Variants in ADAMTS14 observed in about 807,000 individuals in gnomAD.
ADAMTS14 encodes the protein ADAM metallopeptidase with thrombospondin type 1 motif 14.
In ADAMTS14, 100 loss-of-function variants were observed where a neutral mutation model predicts 128.6. That is an observed-to-expected ratio of 0.78 (90% CI 0.66 to 0.92). ADAMTS14 has a LOEUF of 0.92. ADAMTS14 is among the 40% of genes least tolerant of loss of function. ADAMTS14 has a pLI of 0.00. For missense variants in ADAMTS14, 1,562 were observed against 1,658.6 expected, an observed-to-expected ratio of 0.94 and a Z score of 1.01; for synonymous variants, 665 against 653.8, an observed-to-expected ratio of 1.02 and a Z score of -0.26.
rs770528570 is a variant in ADAMTS14 at position 70,736,712 on chromosome 10, G to A, written c.1518G>A (p.Trp506Ter). Residue 506 changes from tryptophan (W) to a stop codon, truncating the protein, a stop_gained, in exon 10 of 22, where the codon TGG becomes TGA. Coordinates refer to ENST00000373207, the MANE Select transcript of ADAMTS14 (RefSeq NM_080722.4). LOFTEE classifies it high-confidence loss of function. ...FRTFEPCKQL[W>*]CSHPDNPYFC... ...CCTTTGAGCCCTGCAAGCAGCTGTG[G>A]TGCAGCCATCCTGACAACCCGTACT... 1.2e-6 allele frequency: 2 copies of A among 1,613,928 alleles called. No individual in the cohort carries two copies. Among genetic ancestry groups the A allele is most frequent in the South Asian group, 2.2e-5 (2 of 91,072 alleles).
chr10:70,730,010 G>A, intron 5 of ADAMTS14, 92 bp from the exon 6 acceptor site: 1 of 1,447,216 alleles, frequency 6.9e-7, no homozygotes, highest in Admixed American at 2.1e-5. Flanking sequence ...CTGGGCCTTA[G>A]CGTTCCCATC....
In ADAMTS14 at chr10:70,743,616, G is replaced by A. The variant is rs745561902; in HGVS notation, c.1993G>A (p.Val665Ile). The A allele has an allele frequency of 6.2e-7, 1 of 1,612,506 alleles. No individual in the cohort carries two copies. The highest frequency in any genetic ancestry group is 1.3e-5 in the African/African-American group (1 of 74,836). Residue 665 changes from valine (V) to isoleucine (I), a missense_variant, in exon 13 of 22, where the codon GTT (valine) becomes ATT (isoleucine). Coordinates refer to ENST00000373207, the MANE Select transcript of ADAMTS14 (RefSeq NM_080722.4). ...TGDVVFMNQV[V>I]HDGTRCSYRD... ...GGACGTGGTGTTCATGAACCAGGTG[G>A]TTCACGATGGGACACGCTGCAGCTA...
At chr10:70,745,993 A>C (rs1030414993) in intron 15 of ADAMTS14, among the ~76,000 whole-genome samples, 1 of 152,318 alleles carries the variant, frequency 6.6e-6, no homozygotes, top group South Asian at 2.1e-4. Context: ...CTAGCGTCCC[A>C]TTAGTCCAAA....
chr10:70,678,509 G>A (rs1179839899), intron 2 of ADAMTS14, among the ~76,000 whole-genome samples: 1 of 151,674 alleles, frequency 6.6e-6, no homozygotes, highest in Non-Finnish European at 1.5e-5. Context: ...TGGGCAGGGG[G>A]AAGAGCTTGA....
chr10:70,687,912 G>A (rs866534477), intron 2 of ADAMTS14, among the ~76,000 whole-genome samples: 791 of 70,218 alleles, frequency 0.011, no homozygotes, highest in Middle Eastern at 0.026. Flanking sequence ...CGGGCGGGGG[G>A]GCTGACCCCC....
chr10:70,760,845 G>T lies in ADAMTS14; in HGVS notation c.3664G>T (p.Val1222Leu), dbSNP rs1842597379. 6.4e-7 allele frequency: 1 copy of T among 1,572,110 alleles called. No homozygotes were observed. Among genetic ancestry groups the T allele is most frequent in the South Asian group, 1.2e-5 (1 of 83,488 alleles). ...CACCAGCCTCCCTGCTGCCTCCCCGGTGACATGAGCTGTGCCCTGCCATCC... is the reference window on the plus strand; with the variant it reads ...CACCAGCCTCCCTGCTGCCTCCCCGTTGACATGAGCTGTGCCCTGCCATCC... The part of the protein sequence containing the change: ...PGTSLPAASP[V>L]T The change falls in exon 22 of 22, where the codon GTG becomes TTG. Residue 1222 changes from valine (V) to leucine (L), a missense_variant. By Grantham distance (32) the Val-to-Leu change is conservative. Coordinates refer to ENST00000373207, the MANE Select transcript of ADAMTS14 (RefSeq NM_080722.4).
chr10:70,749,158 C>T (rs897078685), intron 15 of ADAMTS14, among the ~76,000 whole-genome samples: 1 of 152,192 alleles, frequency 6.6e-6, no homozygotes, highest in Non-Finnish European at 1.5e-5. Context: ...TGCCAAAAGT[C>T]CAGTACTTTT....
chr10:70,729,676 G>T (rs1452114249), intron 5 of ADAMTS14, among the ~76,000 whole-genome samples: 1 of 152,126 alleles, frequency 6.6e-6, no homozygotes, highest in African/African-American at 2.4e-5. Context: ...GTCATGTTAT[G>T]GTTGAGCCCT....
chr10:70,747,526 G>T (rs1052817178), intron 15 of ADAMTS14, among the ~76,000 whole-genome samples: 1 of 152,206 alleles, frequency 6.6e-6, no homozygotes, highest in East Asian at 1.9e-4. Context: ...CCAAGAAGAG[G>T]TGGAGCTCAC....
chr10:70,758,277 T>C lies in ADAMTS14; in HGVS notation c.3170T>C (p.Ile1057Thr). ...QSEPLHPINK[I>T]SSTEPCTGDR... ...GAACCCCTACATCCCATTAACAAGA[T>C]ATCATCAAGTAAGTACAGTCTATGG... is the stretch of plus-strand genomic sequence containing the variant. Residue 1057 changes from isoleucine (I) to threonine (T), a missense_variant, in exon 21 of 22, where the codon ATA becomes ACA. Physicochemically the swap from Ile to Thr is moderately conservative, Grantham distance 89. Coordinates refer to ENST00000373207, the MANE Select transcript of ADAMTS14 (RefSeq NM_080722.4). The C allele has an allele frequency of 6.2e-7, 1 of 1,613,942 alleles. No individual in the cohort carries two copies. Among genetic ancestry groups the C allele is most frequent in the Non-Finnish European group, 8.5e-7 (1 of 1,179,876 alleles).
At chr10:70,694,870 C>T (rs1840288503) in intron 2 of ADAMTS14, among the ~76,000 whole-genome samples, 1 of 152,132 alleles carries the variant, frequency 6.6e-6, no homozygotes, top group Admixed American at 6.5e-5. Flanking sequence ...CATATGTTTT[C>T]TTTCTCTTGG....
intron 4 of ADAMTS14, among the ~76,000 whole-genome samples, chr10:70,725,338 T>C (rs1841395293): frequency 6.6e-6 from 1 of 152,170 alleles, no homozygotes; most frequent in African/African-American, 2.4e-5. Context: ...CACTATTCAG[T>C]GCATGTGAGT....
At position 70,760,833 on chromosome 10, in the gene ADAMTS14, G is replaced by A. The variant is rs1324297830; in HGVS notation, c.3652G>A (p.Ala1218Thr). Residue 1218 changes from alanine to threonine, a missense_variant, in exon 22 of 22, where the codon GCT (alanine) becomes ACT (threonine). Coordinates refer to ENST00000373207, the MANE Select transcript of ADAMTS14 (RefSeq NM_080722.4). The part of the protein sequence containing the change: ...DLRHPGTSLP[A>T]ASPVT ...GAGACATCCCGGCACCAGCCTCCCT[G>A]CTGCCTCCCCGGTGACATGAGCTGT... is the stretch of plus-strand genomic sequence containing the variant. 6.3e-7 allele frequency: 1 copy of A among 1,580,244 alleles called. No homozygotes were observed. The highest frequency in any genetic ancestry group is 1.2e-5 in the South Asian group (1 of 85,546).
At chr10:70,723,605 A>T (rs975108470) in intron 4 of ADAMTS14, among the ~76,000 whole-genome samples, 14 of 152,304 alleles carry the variant, frequency 9.2e-5, no homozygotes, top group African/African-American at 3.1e-4. Context: ...CAATGCAAGG[A>T]GGCGCTTGTG....
rs1223733187 is a variant in ADAMTS14 at position 70,760,641 on chromosome 10, G to A, written c.3460G>A (p.Ala1154Thr). Residue 1154 changes from alanine (A) to threonine (T), a missense_variant, in exon 22 of 22, where the codon GCT (alanine) becomes ACT (threonine). Transcript: ENST00000373207. ...TGGCCGAGCCACACAGCTCCCAGGA[G>A]CTCTGGATACAAGCTCCCCAGGGAC... ...QHGRATQLPGALDTSSPGTQH... is the reference protein window; with the variant it reads ...QHGRATQLPGTLDTSSPGTQH... 1 of 1,614,152 alleles carries A rather than the reference G, an allele frequency of 6.2e-7. No homozygotes were observed.
intron 4 of ADAMTS14, among the ~76,000 whole-genome samples, chr10:70,716,470 A>G (rs560508983): frequency 1.3e-5 from 2 of 152,346 alleles, no homozygotes; most frequent in East Asian, 3.9e-4. Flanking sequence ...ACAGGTGCAG[A>G]GGACGGACAG....
intron 3 of ADAMTS14, among the ~76,000 whole-genome samples, chr10:70,706,614 T>C (rs1352814145): frequency 2.0e-5 from 3 of 152,144 alleles, no homozygotes. Flanking sequence ...GGTGCCAGCC[T>C]CAAGGGTAAG....
intron 21 of ADAMTS14, among the ~76,000 whole-genome samples, chr10:70,759,893 T>G (rs565876015): frequency 6.6e-6 from 1 of 152,246 alleles, no homozygotes; most frequent in Admixed American, 6.5e-5. Flanking sequence ...TTGTCCAGTG[T>G]GTGGGTGAAG....
In ADAMTS14 at chr10:70,732,281, A is replaced by T. The variant is rs1405480873; in HGVS notation, c.1130A>T (p.His377Leu). The T allele has an allele frequency of 1.9e-6, 3 of 1,613,890 alleles. No individual in the cohort carries two copies. Among genetic ancestry groups the T allele is most frequent in the Non-Finnish European group, 2.5e-6 (3 of 1,179,950 alleles). ...SGYAPVTGMC[H>L]PLRSCALNHE... is the part of the protein sequence containing the mutation. ...TATGCACCCGTCACTGGCATGTGTC[A>T]CCCCCTGAGGAGCTGTGCCCTCAAC... Residue 377 changes from histidine to leucine, a missense_variant, in exon 7 of 22, where the codon CAC becomes CTC. Physicochemically the swap from His to Leu is moderately conservative, Grantham distance 99. Coordinates refer to ENST00000373207, the MANE Select transcript of ADAMTS14 (RefSeq NM_080722.4).
Sources: allele counts gnomAD v4.1 joint callset (sites outside exome capture counted in the v4.1 genomes callset), GRCh38; gene constraint gnomAD v4.1.1; transcripts MANE v1.5; gene names NCBI Gene and HGNC (gene_info 2026-07-23, HGNC 2026-07-21).